The following NRXN1 variants were observed in gnomAD, a reference collection of about 807,000 sequenced individuals.
NRXN1 encodes the protein neurexin-1.
NRXN1 carries 39 observed loss-of-function variants against 150.9 expected under a neutral mutation model. That is an observed-to-expected ratio of 0.26 (90% CI 0.20 to 0.34). NRXN1 has a LOEUF of 0.34. Among genes scored for constraint, NRXN1 ranks in the 10% least tolerant of loss-of-function variants. NRXN1 has a pLI of 1.00. For synonymous variants in NRXN1, 924 were observed against 757.0 expected, an observed-to-expected ratio of 1.22 and a Z score of -3.62; for missense variants, 1,815 against 1,949.9, an observed-to-expected ratio of 0.93 and a Z score of 1.30.
intron 5 of NRXN1, among the ~76,000 whole-genome samples, chr2:50,913,501 T>C (rs1684808325): frequency 1.3e-5 from 2 of 151,844 alleles, no homozygotes; most frequent in East Asian, 3.9e-4. Context: ...TGAAATTCCT[T>C]ATAAAGCATA....
In NRXN1 at chr2:50,925,361, A is replaced by G. The variant is rs184163941; in HGVS notation, c.790+577T>C. On this transcript the variant is annotated intron_variant, in intron 3 of 22. Transcript: ENST00000401669. ...GAATAAAATATTTAGCAGGCAAAAA[A>G]TATTACAAATATACTTACCAGGAAT... is the stretch of plus-strand genomic sequence containing the variant. Among the ~76,000 whole-genome samples the G allele has an allele frequency of 1.4e-3, 207 of 152,028 alleles. 2 individuals carry two copies. The highest frequency in any genetic ancestry group is 4.6e-3 in the African/African-American group (192 of 41,546).
intron 5 of NRXN1, among the ~76,000 whole-genome samples, chr2:50,630,863 T>C (rs1172740298): frequency 6.6e-6 from 1 of 151,672 alleles, no homozygotes; most frequent in Admixed American, 6.6e-5. Context: ...GCCAAAAACA[T>C]CCTTGACCAA....
rs866976800 is a variant in NRXN1 at position 50,452,043 on chromosome 2, T to A, written c.3364+13399A>T. 5.9e-5 allele frequency among the ~76,000 whole-genome samples: 9 copies of A among 152,328 alleles called. No individual in the cohort carries two copies. The Middle Eastern group carries it at 0.024, about 403-fold the overall frequency. On this transcript the variant is annotated intron_variant, in intron 17 of 22. Transcript: ENST00000401669. ...CATGATCTCTGCATTCGCAAAATAT[T>A]TCAACTTAAAGTTGATGTAAGTAGA... is the stretch of plus-strand genomic sequence containing the variant.
chr2:49,958,222 T>A (rs988493544), intron 21 of NRXN1, among the ~76,000 whole-genome samples: 5 of 152,214 alleles, frequency 3.3e-5, no homozygotes, highest in Admixed American at 1.3e-4. Flanking sequence ...GATATGCTGC[T>A]GAACTCTTCC....
At chr2:50,943,580 T>C (rs1010383225) in intron 2 of NRXN1, among the ~76,000 whole-genome samples, 1 of 152,180 alleles carries the variant, frequency 6.6e-6, no homozygotes, top group Non-Finnish European at 1.5e-5. Flanking sequence ...AGACTAATTC[T>C]CTATATGTAA....
chr2:50,132,696 T>C (rs1485801530), intron 18 of NRXN1, among the ~76,000 whole-genome samples: 2 of 152,108 alleles, frequency 1.3e-5, no homozygotes, highest in Non-Finnish European at 2.9e-5. Context: ...CAGTTCTCAG[T>C]TGTGTTTCTC....
chr2:50,209,313 T>TA (rs1295501646), intron 18 of NRXN1, among the ~76,000 whole-genome samples: 5 of 151,978 alleles, frequency 3.3e-5, no homozygotes, highest in African/African-American at 1.2e-4. Flanking sequence ...TGCCAGAGAG[T>TA]CTAATTCAAG....
At chr2:50,258,536 A>T (rs1359298760) in intron 17 of NRXN1, among the ~76,000 whole-genome samples, 1 of 152,028 alleles carries the variant, frequency 6.6e-6, no homozygotes, top group African/African-American at 2.4e-5. Context: ...CCTCCACTGA[A>T]GTCTTGAGCC....
In NRXN1 at chr2:50,581,542, G is replaced by C. The variant is rs537284305; in HGVS notation, c.1321-28517C>G. Among the ~76,000 whole-genome samples the C allele has an allele frequency of 5.0e-4, 76 of 152,286 alleles. No homozygotes were observed. In the South Asian group the frequency reaches 0.015, roughly 29 times the overall value. ...ATTTATTATTCTTTGCAACCAATAA[G>C]TATGGGCTGAGTTCTTAAACAAGAG... On this transcript the variant is annotated intron_variant, in intron 8 of 22. Coordinates refer to ENST00000401669, the MANE Select transcript of NRXN1 (RefSeq NM_001330078.2).
intron 21 of NRXN1, chr2:50,024,166 G>A (rs1687950131): frequency 6.6e-6 from 1 of 152,176 alleles, no homozygotes; most frequent in Non-Finnish European, 1.5e-5. Flanking sequence ...TAGGTGCTGA[G>A]GCTGGCTTAA....
intron 7 of NRXN1, among the ~76,000 whole-genome samples, chr2:50,620,425 G>A (rs1052390027): frequency 6.6e-6 from 1 of 152,096 alleles, no homozygotes; most frequent in Non-Finnish European, 1.5e-5. Context: ...TAGTTAGAGA[G>A]TTAACTGATT....
chr2:50,230,564 A>G (rs896138186), intron 18 of NRXN1, among the ~76,000 whole-genome samples: 2 of 152,098 alleles, frequency 1.3e-5, no homozygotes, highest in Non-Finnish European at 2.9e-5. Context: ...TAGCTGAGAA[A>G]GTGAGGCAGC....
intron 21 of NRXN1, among the ~76,000 whole-genome samples, chr2:50,025,121 C>T (rs905336780): frequency 6.6e-6 from 1 of 152,096 alleles, no homozygotes; most frequent in Non-Finnish European, 1.5e-5. Context: ...TATAATTTGG[C>T]AAATTGGGGG....
chr2:50,986,849 T>A (rs1178748835), intron 2 of NRXN1, among the ~76,000 whole-genome samples: 1 of 151,754 alleles, frequency 6.6e-6, no homozygotes, highest in Admixed American at 6.6e-5. Context: ...TTGTTTAAAA[T>A]AAACACAATT....
chr2:50,746,256 T>G (rs1354519563), intron 5 of NRXN1, among the ~76,000 whole-genome samples: 1 of 152,010 alleles, frequency 6.6e-6, no homozygotes, highest in Non-Finnish European at 1.5e-5. Flanking sequence ...AGCGTACTAC[T>G]GTATCAATGA....
Position 50,332,297 on chromosome 2 carries a change from T to C in NRXN1, c.3365-95327A>G, listed in dbSNP as rs554021703. Among the ~76,000 whole-genome samples, 50 of 152,332 alleles carry C rather than the reference T, an allele frequency of 3.3e-4. 1 individual carries two copies. The Middle Eastern group carries it at 0.017, about 52-fold the overall frequency. On this transcript the variant is annotated intron_variant, in intron 17 of 22. Transcript: ENST00000401669. The stretch of plus-strand genomic sequence containing the variant: ...AGAAGAGGTTATTTAGAAATCTTTC[T>C]ACAAACATTTGAGTATCTATGAAAA...
At chr2:50,644,698 A>G (rs1278921096) in intron 5 of NRXN1, among the ~76,000 whole-genome samples, 2 of 151,172 alleles carry the variant, frequency 1.3e-5, no homozygotes, top group African/African-American at 2.4e-5. Flanking sequence ...CAGTAAATAA[A>G]AATTTTGCAA....
intron 2 of NRXN1, among the ~76,000 whole-genome samples, chr2:51,011,480 G>A (rs1324343637): frequency 6.6e-6 from 1 of 152,000 alleles, no homozygotes; most frequent in Non-Finnish European, 1.5e-5. Flanking sequence ...GGGTGAGCAG[G>A]AAGAGGGTAT....
Position 51,027,515 on chromosome 2 carries a change from C to G in NRXN1, c.759G>C (p.Lys253Asn). The change falls in exon 2 of 23, where the codon AAG becomes AAC. Residue 253 changes from lysine (K) to asparagine (N), a missense_variant. Coordinates refer to ENST00000401669, the MANE Select transcript of NRXN1 (RefSeq NM_001330078.2). ...CDCSRTGFRG[K>N]DCSQEDNNVE... ...GTCGGGCCTTACCTTGGCTGCAGTC[C>G]TTGCCGCGGAAGCCGGTTCGCGAGC... 1.9e-6 allele frequency: 3 copies of G among 1,540,810 alleles called. No individual in the cohort carries two copies. The South Asian group carries it at 3.7e-5, about 19-fold the overall frequency.
Sources: allele counts gnomAD v4.1 joint callset (sites outside exome capture counted in the v4.1 genomes callset), GRCh38; gene constraint gnomAD v4.1.1; transcripts MANE v1.5; gene names NCBI Gene and HGNC (gene_info 2026-07-23, HGNC 2026-07-21).